CDC14A: variants seen among roughly 807,000 people sequenced by gnomAD.
CDC14A encodes the protein cell division cycle 14A.
Under a neutral mutation model 74.4 loss-of-function variants are expected in CDC14A, and 53 were observed. The ratio of observed to expected loss-of-function variants is 0.71; its 90% CI spans 0.57 to 0.89. CDC14A has a LOEUF of 0.89. Ranked by LOEUF, CDC14A falls within the 40% of genes least tolerant of loss-of-function variation. The probability of loss-of-function intolerance (pLI) is 0.00; values close to 1 mark genes in which losing one functional copy is unlikely to be tolerated. For synonymous variants in CDC14A, 247 were observed against 258.4 expected (o/e 0.96, Z 0.43); for missense variants, 646 against 713.7 (o/e 0.91, Z 1.08).
intron 4 of CDC14A, among the ~76,000 whole-genome samples, chr1:100,395,484 G>C (rs1199232246): frequency 1.3e-5 from 2 of 152,120 alleles, no homozygotes; most frequent in African/African-American, 4.8e-5. Flanking sequence ...AGTTTGGTCA[G>C]CTCTACCTCT....
At position 100,410,034 on chromosome 1, in the gene CDC14A, A is replaced by G. The variant is rs530951854; in HGVS notation, c.310-14188A>G. 7.9e-5 allele frequency among the ~76,000 whole-genome samples: 12 copies of G among 152,174 alleles called. No homozygotes were observed. In the East Asian group the frequency reaches 2.3e-3, roughly 29 times the overall value. ...CCTGGGACCTGGGAAACATAGTGAA[A>G]CCTTGTCTGTATAAAAAATAAAAAA... is the stretch of plus-strand genomic sequence containing the variant. On this transcript the variant is annotated intron_variant, in intron 4 of 15. Transcript: ENST00000336454.
In CDC14A at chr1:100,485,686, G is replaced by A. The variant is rs534690355; in HGVS notation, c.1137+1235G>A. 2.0e-5 allele frequency: 3 copies of A among 152,366 alleles called. No homozygotes were observed. In the South Asian group the frequency reaches 6.2e-4, roughly 32 times the overall value. The allele number at this position is 152,366 out of a possible 1,614,324, so 9.4% of individuals were successfully genotyped here. On this transcript the variant is annotated intron_variant, in intron 11 of 15. Coordinates refer to ENST00000336454, the MANE Select transcript of CDC14A (RefSeq NM_003672.4). Reference sequence around the variant, plus strand: ...CCTTAAACCAAATACTGTGGCTCAAGCTTAGCCCACAAGGAGCCCAGAATG... The same window carrying A: ...CCTTAAACCAAATACTGTGGCTCAAACTTAGCCCACAAGGAGCCCAGAATG...
chr1:100,351,143 G>A (rs1029471945), upstream of CDC14A, among the ~76,000 whole-genome samples: 8 of 151,988 alleles, frequency 5.3e-5, no homozygotes, highest in South Asian at 6.2e-4. Context: ...GCAGTGAGCA[G>A]AGATTGAGCC....
intron 4 of CDC14A, among the ~76,000 whole-genome samples, chr1:100,417,079 TA>T (rs1196149993): frequency 3.3e-5 from 5 of 152,142 alleles, no homozygotes; most frequent in African/African-American, 1.2e-4. Flanking sequence ...CTCAATCAAA[TA>T]ACCACAGAAA....
chr1:100,377,522 T>G (rs763007559), intron 2 of CDC14A, 24 bp from the exon 3 acceptor site: 2 of 1,557,192 alleles, frequency 1.3e-6, no homozygotes, highest in African/African-American at 2.7e-5. Context: ...AAATACTACG[T>G]TTTTTGTTTT....
At chr1:100,406,843 C>G (rs764809671) in intron 4 of CDC14A, among the ~76,000 whole-genome samples, 2 of 151,762 alleles carry the variant, frequency 1.3e-5, no homozygotes, top group African/African-American at 2.4e-5. Flanking sequence ...GGAGAATCAC[C>G]TGAACCCAGG....
chr1:100,380,592 G>A (rs1655970615), intron 3 of CDC14A, among the ~76,000 whole-genome samples: 1 of 152,148 alleles, frequency 6.6e-6, no homozygotes, highest in African/African-American at 2.4e-5. Context: ...CACACTACTG[G>A]GATTGCTAGA....
chr1:100,369,118 C>T (rs1570973541), intron 2 of CDC14A, among the ~76,000 whole-genome samples: 1 of 149,904 alleles, frequency 6.7e-6, no homozygotes, highest in East Asian at 1.9e-4. Context: ...CGCTCTGTCG[C>T]CAGGCTGGAG....
At chr1:100,412,279 C>T (rs1016807758) in intron 4 of CDC14A, among the ~76,000 whole-genome samples, 1 of 152,028 alleles carries the variant, frequency 6.6e-6, no homozygotes, top group Non-Finnish European at 1.5e-5. Flanking sequence ...ATTACTTAAC[C>T]TTTAAAGGTT....
At chr1:100,491,983 C>A (rs953819996) in intron 11 of CDC14A, among the ~76,000 whole-genome samples, 2 of 151,382 alleles carry the variant, frequency 1.3e-5, no homozygotes, top group African/African-American at 4.9e-5. Context: ...ACAGACAATG[C>A]GGTGGCTCCT....
intron 1 of CDC14A, chr1:100,345,361 G>A (rs1029258145): frequency 6.6e-6 from 1 of 152,118 alleles, no homozygotes; most frequent in Non-Finnish European, 1.5e-5. Context: ...ATGCTAGGCT[G>A]TATTTGTACA....
At chr1:100,364,601 TG>T (rs1653312318) in intron 2 of CDC14A, among the ~76,000 whole-genome samples, 1 of 152,214 alleles carries the variant, frequency 6.6e-6, no homozygotes, top group African/African-American at 2.4e-5. Context: ...CTTTTATGTA[TG>T]GGGGAATCGC....
intron 15 of CDC14A, among the ~76,000 whole-genome samples, chr1:100,513,348 AG>A (rs1449925082): frequency 1.3e-5 from 2 of 152,124 alleles, no homozygotes; most frequent in African/African-American, 2.4e-5. Flanking sequence ...TTTTTATTTT[AG>A]GTTCTTTTTG....
chr1:100,352,841 G>T lies in CDC14A; in HGVS notation c.-114G>T. The T allele has an allele frequency of 6.5e-7, 1 of 1,547,072 alleles. No individual in the cohort carries two copies. Among genetic ancestry groups the T allele is most frequent in the Non-Finnish European group, 8.7e-7 (1 of 1,150,514 alleles). ...GGCGCCTGCTGCCTCCCTCGGCCAG[G>T]CTTGTTGTTCGGGACTGTGAGCTTC... On this transcript the variant is annotated 5_prime_UTR_variant, in exon 1 of 16. Transcript: ENST00000336454.
At chr1:100,433,360 C>T (rs1040453859) in intron 5 of CDC14A, among the ~76,000 whole-genome samples, 4 of 152,194 alleles carry the variant, frequency 2.6e-5, no homozygotes, top group Admixed American at 1.3e-4. Flanking sequence ...ACACGTTTCC[C>T]GTCCTTAAGA....
chr1:100,397,273 C>T (rs1348942549), intron 4 of CDC14A, among the ~76,000 whole-genome samples: 2 of 152,150 alleles, frequency 1.3e-5, no homozygotes, highest in East Asian at 3.8e-4. Flanking sequence ...ACTAGTAGAG[C>T]ATCTCTTCAC....
At chr1:100,366,987 A>G (rs1364566638) in intron 2 of CDC14A, among the ~76,000 whole-genome samples, 1 of 152,156 alleles carries the variant, frequency 6.6e-6, no homozygotes, top group Non-Finnish European at 1.5e-5. Context: ...TGGCCACATG[A>G]GACCAAAAGA....
chr1:100,385,944 A>G (rs1442127150), intron 3 of CDC14A, among the ~76,000 whole-genome samples: 1 of 152,168 alleles, frequency 6.6e-6, no homozygotes, highest in African/African-American at 2.4e-5. Flanking sequence ...GGGTGAGCAG[A>G]TCACTTGAGG....
chr1:100,354,643 TAAG>T (rs2100875475), intron 2 of CDC14A, among the ~76,000 whole-genome samples: 1 of 152,354 alleles, frequency 6.6e-6, no homozygotes, highest in African/African-American at 2.4e-5. Flanking sequence ...TATCAGATAA[TAAG>T]AAATAAGAAG....
Sources: allele counts gnomAD v4.1 joint callset (sites outside exome capture counted in the v4.1 genomes callset), GRCh38; gene constraint gnomAD v4.1.1; transcripts MANE v1.5; gene names NCBI Gene and HGNC (gene_info 2026-07-23, HGNC 2026-07-21).